The following VEPH1 variants were observed in gnomAD, a reference collection of about 807,000 sequenced individuals.
VEPH1 encodes the protein ventricular zone expressed PH domain containing 1.
Under a neutral mutation model 85.2 loss-of-function variants are expected in VEPH1, and 80 were observed. The observed-to-expected ratio is 0.94, with a 90% confidence interval of 0.78 to 1.13. The LOEUF is 1.13. Among genes scored for constraint, VEPH1 ranks in the 50% most tolerant of loss-of-function variants. VEPH1 has a pLI of 0.00. For missense variants in VEPH1, 955 were observed against 980.5 expected, an observed-to-expected ratio of 0.97 and a Z score of 0.35; for synonymous variants, 297 against 348.0, an observed-to-expected ratio of 0.85 and a Z score of 1.63.
At chr3:157,445,067 T>C (rs985214775) in intron 4 of VEPH1, among the ~76,000 whole-genome samples, 3 of 152,172 alleles carry the variant, frequency 2.0e-5, no homozygotes, top group Non-Finnish European at 2.9e-5. Flanking sequence ...GCTGAAATAT[T>C]ATATGTGATT....
At chr3:157,305,542 A>C (rs1465981020) in intron 11 of VEPH1, among the ~76,000 whole-genome samples, 1 of 152,146 alleles carries the variant, frequency 6.6e-6, no homozygotes, top group African/African-American at 2.4e-5. Context: ...TCCCTCTGCA[A>C]TACTTTTTGT....
At chr3:157,417,736 C>T (rs1382983405) in intron 5 of VEPH1, among the ~76,000 whole-genome samples, 1 of 152,108 alleles carries the variant, frequency 6.6e-6, no homozygotes, top group Non-Finnish European at 1.5e-5. Flanking sequence ...TCCAGCCCAC[C>T]ATAACAAATG....
intron 6 of VEPH1, among the ~76,000 whole-genome samples, chr3:157,404,663 C>G (rs1370795256): frequency 1.3e-5 from 2 of 152,108 alleles, no homozygotes; most frequent in South Asian, 4.1e-4. Context: ...ACACCAACTC[C>G]CATCACTGGT....
chr3:157,460,670 T>C (rs1256708037), intron 3 of VEPH1, among the ~76,000 whole-genome samples: 1 of 151,844 alleles, frequency 6.6e-6, no homozygotes. Flanking sequence ...CTGGAGGGGG[T>C]AATGTCTTAG....
At chr3:157,357,793 C>T (rs910763865) in intron 9 of VEPH1, among the ~76,000 whole-genome samples, 11 of 152,174 alleles carry the variant, frequency 7.2e-5, no homozygotes, top group Admixed American at 2.6e-4. Flanking sequence ...CCACTGCATC[C>T]GGCCAGAACA....
chr3:157,410,728 G>A (rs2316712), intron 6 of VEPH1, among the ~76,000 whole-genome samples: 70,907 of 151,996 alleles, frequency 0.47, 16,889 homozygotes, highest in Admixed American at 0.6. Context: ...AAAGGAGCCT[G>A]CCTGACATTT....
chr3:157,380,508 G>C (rs1211163054), intron 7 of VEPH1, among the ~76,000 whole-genome samples: 1 of 152,172 alleles, frequency 6.6e-6, no homozygotes, highest in African/African-American at 2.4e-5. Context: ...TCTGTTTCCA[G>C]AAAGTGCTTT....
At chr3:157,466,429 C>A (rs979814575) in intron 3 of VEPH1, among the ~76,000 whole-genome samples, 1 of 152,212 alleles carries the variant, frequency 6.6e-6, no homozygotes, top group Non-Finnish European at 1.5e-5. Context: ...TTGAATGGAA[C>A]CAGCTGGATG....
At chr3:157,449,198 CATT>C (rs1734769554) in intron 4 of VEPH1, among the ~76,000 whole-genome samples, 2 of 152,174 alleles carry the variant, frequency 1.3e-5, no homozygotes, top group East Asian at 3.8e-4. Flanking sequence ...CAAGGGGAAA[CATT>C]AATATTTCCC....
intron 9 of VEPH1, among the ~76,000 whole-genome samples, chr3:157,359,895 TC>T (rs761435910): frequency 1.8e-4 from 27 of 152,204 alleles, no homozygotes; most frequent in Non-Finnish European, 3.7e-4. Flanking sequence ...GTAACAGCAG[TC>T]CAAAATTTTT....
At chr3:157,371,338 A>G (rs539896914) in intron 7 of VEPH1, among the ~76,000 whole-genome samples, 1 of 152,342 alleles carries the variant, frequency 6.6e-6, no homozygotes, top group South Asian at 2.1e-4. Context: ...ATGAAAATAT[A>G]AAAGCCATGA....
chr3:157,453,809 T>A (rs1428911812), intron 4 of VEPH1, among the ~76,000 whole-genome samples: 1 of 152,318 alleles, frequency 6.6e-6, no homozygotes, highest in South Asian at 2.1e-4. Context: ...AATGGAGTTT[T>A]ACAGTCACAT....
At chr3:157,444,485 T>A (rs1734389870) in intron 4 of VEPH1, among the ~76,000 whole-genome samples, 1 of 152,074 alleles carries the variant, frequency 6.6e-6, no homozygotes, top group African/African-American at 2.4e-5. Context: ...TCTAAGAAAA[T>A]CACTTGTAGT....
chr3:157,430,052 A>C (rs1486103093), intron 4 of VEPH1, among the ~76,000 whole-genome samples: 1 of 152,232 alleles, frequency 6.6e-6, no homozygotes, highest in Non-Finnish European at 1.5e-5. Context: ...CCTTCTTTTA[A>C]ATTATGAAAT....
At chr3:157,320,735 A>G (rs577614551) in intron 9 of VEPH1, among the ~76,000 whole-genome samples, 4 of 152,164 alleles carry the variant, frequency 2.6e-5, no homozygotes, top group Non-Finnish European at 4.4e-5. Context: ...TAATTATACA[A>G]TATAATGTGT....
At chr3:157,275,592 A>T (rs986139676) in intron 12 of VEPH1, among the ~76,000 whole-genome samples, 6 of 151,796 alleles carry the variant, frequency 4.0e-5, no homozygotes, top group East Asian at 1.9e-4. Flanking sequence ...ACCAACAAAA[A>T]ATATATATAT....
At chr3:157,286,710 T>C in intron 11 of VEPH1, 36 bp from the exon 12 acceptor site, 1 of 1,517,058 alleles carries the variant, frequency 6.6e-7, no homozygotes, top group Non-Finnish European at 9.2e-7. Flanking sequence ...GAACATAAGC[T>C]GCTCTGCCTG....
intron 5 of VEPH1, among the ~76,000 whole-genome samples, chr3:157,421,721 G>T (rs1354849800): frequency 6.6e-6 from 1 of 152,166 alleles, no homozygotes; most frequent in South Asian, 2.1e-4. Flanking sequence ...AGTTCTAGGG[G>T]TGCTGGCAGC....
chr3:157,301,250 T>C (rs565890466), intron 11 of VEPH1, among the ~76,000 whole-genome samples: 2 of 152,200 alleles, frequency 1.3e-5, no homozygotes, highest in African/African-American at 4.8e-5. Context: ...TGTTCTGTTT[T>C]TTGAAGGCGA....
Sources: allele counts gnomAD v4.1 joint callset (sites outside exome capture counted in the v4.1 genomes callset), GRCh38; gene constraint gnomAD v4.1.1; transcripts MANE v1.5; gene names NCBI Gene and HGNC (gene_info 2026-07-23, HGNC 2026-07-21).